Variants in MPP3 observed in about 807,000 individuals in gnomAD.
MPP3 encodes the protein MAGUK p55 scaffold protein 3.
Under a neutral mutation model 80.7 loss-of-function variants are expected in MPP3, and 48 were observed. The ratio of observed to expected loss-of-function variants is 0.59; its 90% confidence interval spans 0.47 to 0.76. The LOEUF is 0.76. MPP3 is among the 30% of genes least tolerant of loss of function. The probability of loss-of-function intolerance (pLI) is 0.00; values close to 1 mark genes in which losing one functional copy is unlikely to be tolerated. For synonymous variants in MPP3, 311 were observed against 297.6 expected (o/e 1.04, Z -0.46); for missense variants, 620 against 763.0 (o/e 0.81, Z 2.21).
chr17:43,813,419 C>G (rs1439072243), intron 16 of MPP3, among the ~76,000 whole-genome samples: 2 of 152,156 alleles, frequency 1.3e-5, no homozygotes, highest in African/African-American at 2.4e-5. Context: ...CACCTTCATT[C>G]TCCTCCTCCT....
intron 4 of MPP3, 48 bp downstream of exon 4, chr17:43,831,511 A>G (rs755244212): frequency 3.9e-5 from 58 of 1,468,778 alleles, no homozygotes; most frequent in Non-Finnish European, 5.3e-5. Flanking sequence ...ACAGACAGCT[A>G]GAAAGACCTC....
In MPP3 at chr17:43,816,024, G is replaced by T; in HGVS notation, c.1009+14C>A. The T allele has an allele frequency of 6.7e-7, 1 of 1,491,490 alleles. No individual in the cohort carries two copies. Among genetic ancestry groups the T allele is most frequent in the East Asian group, 2.6e-5 (1 of 37,986 alleles). 92.4% of individuals were successfully genotyped at this position (1,491,490 alleles called of 1,614,324 possible). On this transcript the variant is annotated intron_variant, in intron 14 of 19. Coordinates refer to ENST00000398389, the MANE Select transcript of MPP3 (RefSeq NM_001932.6). ...GGCAGGTCGTGCATGTGGGTGTCAG[G>T]GGGAGCTACTTACCCACATAGTGCC...
intron 13 of MPP3, among the ~76,000 whole-genome samples, chr17:43,816,446 C>A (rs559360308): frequency 1.4e-4 from 22 of 152,334 alleles, no homozygotes; most frequent in African/African-American, 4.6e-4. Flanking sequence ...AAAGGCTGGG[C>A]CGCACGTGTC....
intron 14 of MPP3, chr17:43,815,630 A>T: frequency 3.2e-6 from 1 of 316,000 alleles, no homozygotes; most frequent in South Asian, 2.6e-5. Context: ...AAAACAAAAA[A>T]AACTTTTTGC....
At chr17:43,829,248 G>T (rs935148674) in intron 7 of MPP3, among the ~76,000 whole-genome samples, 14 of 152,138 alleles carry the variant, frequency 9.2e-5, no homozygotes, top group Non-Finnish European at 1.9e-4. Context: ...CTGTCACAAC[G>T]ACTCAACTCT....
At chr17:43,806,593 A>G (rs1046788477) in intron 19 of MPP3, among the ~76,000 whole-genome samples, 2 of 152,054 alleles carry the variant, frequency 1.3e-5, no homozygotes, top group African/African-American at 4.8e-5. Flanking sequence ...TTGTTATATG[A>G]TGGGCATACT....
intron 19 of MPP3, among the ~76,000 whole-genome samples, chr17:43,804,972 C>T (rs777452097): frequency 2.0e-5 from 3 of 151,980 alleles, no homozygotes; most frequent in Non-Finnish European, 4.4e-5. Context: ...GAGCCAACAC[C>T]GCACCATTGC....
intron 2 of MPP3, 182 bp from the exon 3 acceptor site, chr17:43,832,125 G>T: frequency 1.7e-6 from 1 of 603,970 alleles, no homozygotes; most frequent in Non-Finnish European, 2.9e-6. Context: ...GAGTGTCCTC[G>T]ATGTGCCAAG....
Position 43,801,840 on chromosome 17 carries a change from A to C in MPP3, c.1619T>G (p.Phe540Cys). The change falls in exon 20 of 20, where the codon TTC (phenylalanine) becomes TGC (cysteine). Residue 540 changes from phenylalanine (F) to cysteine (C), a missense_variant. Transcript: ENST00000398389. ...QQQEMAASAA[F>C]IDRHYGHLVD... Reference sequence around the variant, plus strand: ...CAGGTGCCCGTAATGCCGGTCTATGAAGGCGGCAGAAGCGGCCATCTCTTG... The same window carrying C: ...CAGGTGCCCGTAATGCCGGTCTATGCAGGCGGCAGAAGCGGCCATCTCTTG... The C allele has an allele frequency of 1.2e-6, 2 of 1,613,596 alleles. No individual in the cohort carries two copies. Among genetic ancestry groups the C allele is most frequent in the Non-Finnish European group, 1.7e-6 (2 of 1,179,850 alleles).
chr17:43,811,076 T>C, intron 17 of MPP3, 36 bp downstream of exon 17: 1 of 1,579,836 alleles, frequency 6.3e-7, no homozygotes, highest in Non-Finnish European at 8.7e-7. Context: ...AACACACAAC[T>C]GCCTGGAGGG....
rs768803993 is a variant in MPP3 at position 43,814,251 on chromosome 17, C to T, written c.1120G>A (p.Val374Met). The T allele has an allele frequency of 1.9e-6, 3 of 1,613,570 alleles. No homozygotes were observed. The highest frequency in any genetic ancestry group is 3.3e-5 in the Admixed American group (2 of 60,018). ...CCGGGCTGGTGTTGGTACCTGGCCA[C>T]CTCTTCGTAAGTCAGCAGCTCCGGA... ...ESPELLTYEEVARYQHQPGER... is the reference protein window; with the variant it reads ...ESPELLTYEEMARYQHQPGER... Residue 374 changes from valine (V) to methionine (M), a missense_variant, in exon 15 of 20, where the codon GTG becomes ATG. By Grantham distance (21) the Val-to-Met change is conservative. Transcript: ENST00000398389.
At chr17:43,816,219 C>T (rs916475278) in intron 13 of MPP3, 140 bp from the exon 14 acceptor site, 3 of 706,742 alleles carry the variant, frequency 4.2e-6, no homozygotes, top group Non-Finnish European at 6.9e-6. Flanking sequence ...ATCCCATGTC[C>T]TGGACACCCC....
chr17:43,825,736 A>T lies in MPP3; in HGVS notation c.609+20T>A. 2 of 1,550,852 alleles carry T rather than the reference A, an allele frequency of 1.3e-6. No individual in the cohort carries two copies. Among genetic ancestry groups the T allele is most frequent in the Non-Finnish European group, 1.8e-6 (2 of 1,122,034 alleles). On this transcript the variant is annotated intron_variant, in intron 9 of 19. Coordinates refer to ENST00000398389, the MANE Select transcript of MPP3 (RefSeq NM_001932.6). ...GTGTCTGAAGACCCAGCACATCCCTAGCAGGCTTGTAGCACGGACCAGAAT... is the reference window on the plus strand; with the variant it reads ...GTGTCTGAAGACCCAGCACATCCCTTGCAGGCTTGTAGCACGGACCAGAAT...
chr17:43,823,685 CAATTAA>C (rs1322185067), intron 10 of MPP3, among the ~76,000 whole-genome samples: 4 of 152,152 alleles, frequency 2.6e-5, no homozygotes, highest in African/African-American at 9.7e-5. Flanking sequence ...GTTTCTATTT[CAATTAA>C]AATAACCTTG....
At chr17:43,816,796 C>T in intron 12 of MPP3, 99 bp from the exon 13 acceptor site, 1 of 1,110,968 alleles carries the variant, frequency 9.0e-7, no homozygotes, top group Non-Finnish European at 1.3e-6. Context: ...GAGGAGCCCG[C>T]CATCTGGCCT....
At chr17:43,823,882 C>T in intron 10 of MPP3, 49 bp downstream of exon 10, 2 of 1,353,246 alleles carry the variant, frequency 1.5e-6, no homozygotes, top group Non-Finnish European at 2.1e-6. Flanking sequence ...AGCCAGCGAG[C>T]TGCATCTCTC....
At position 43,822,289 on chromosome 17, in the gene MPP3, C is replaced by T. The variant is rs185311552; in HGVS notation, c.685-1231G>A. ...TTGAAGACGTAGTCCATTACAAATCCACATTCTTCAAAGTATCGACTGACA... is the reference window on the plus strand; with the variant it reads ...TTGAAGACGTAGTCCATTACAAATCTACATTCTTCAAAGTATCGACTGACA... On this transcript the variant is annotated intron_variant, in intron 10 of 19. Transcript: ENST00000398389. Among the ~76,000 whole-genome samples, 39 of 152,248 alleles carry T rather than the reference C, an allele frequency of 2.6e-4. 1 individual carries two copies. The East Asian group carries it at 3.9e-3, about 15-fold the overall frequency.
Position 43,801,782 on chromosome 17 carries a change from C to G in MPP3, c.1677G>C (p.Gln559His). ...VDAVLVKEDL[Q>H]GAYSQLKVVL... Reference sequence around the variant, plus strand: ...CCACTTTGAGCTGGCTGTAGGCACCCTGGAGATCCTCCTTCACCAGCACGG... The same window carrying G: ...CCACTTTGAGCTGGCTGTAGGCACCGTGGAGATCCTCCTTCACCAGCACGG... Residue 559 changes from glutamine to histidine, a missense_variant, in exon 20 of 20, where the codon CAG (glutamine) becomes CAC (histidine). Physicochemically the swap from Gln to His is conservative, Grantham distance 24 (BLOSUM62 0). Transcript: ENST00000398389. 6.2e-7 allele frequency: 1 copy of G among 1,614,142 alleles called. No individual in the cohort carries two copies. Among genetic ancestry groups the G allele is most frequent in the Non-Finnish European group, 8.5e-7 (1 of 1,180,004 alleles).
intron 19 of MPP3, among the ~76,000 whole-genome samples, chr17:43,804,322 T>G (rs2044528800): frequency 6.6e-6 from 1 of 152,126 alleles, no homozygotes; most frequent in African/African-American, 2.4e-5. Context: ...AGTAAGACAG[T>G]GTGGTGCTGG....
Sources: gnomAD v4.1 joint callset for allele counts (sites outside exome capture counted in the v4.1 genomes callset) on GRCh38, gnomAD v4.1.1 for gene constraint, MANE v1.5 for transcripts, NCBI Gene and HGNC (gene_info 2026-07-23, HGNC 2026-07-21) for gene names.